PRELID2: variants seen among roughly 807,000 people sequenced by gnomAD.
The protein encoded by PRELID2 is PRELI domain containing 2, also known as PRELI domain-containing protein 2.
In PRELID2, 25 loss-of-function variants were observed where a neutral mutation model predicts 28.4. The observed-to-expected ratio is 0.88, with a 90% confidence interval of 0.64 to 1.23. The LOEUF is 1.23. PRELID2 is among the 50% of genes most tolerant of loss of function. The pLI is 0.00. For missense variants in PRELID2, 201 were observed against 214.4 expected (o/e 0.94, Z 0.39); for synonymous variants, 76 against 71.6 (o/e 1.06, Z -0.31).
chr5:145,229,867 T>A, the PRELID2 span: 19 of 753,506 alleles, frequency 2.5e-5, no homozygotes, highest in Non-Finnish European at 4.4e-5. Flanking sequence ...AAAGTGCAGG[T>A]GCCGGTCCTC....
At chr5:145,623,718 T>C (rs921401721) in intron 1 of PRELID2, among the ~76,000 whole-genome samples, 2 of 152,214 alleles carry the variant, frequency 1.3e-5, no homozygotes, top group African/African-American at 2.4e-5. Context: ...ATTCAGTAAG[T>C]AGTGTTAAAA....
chr5:145,713,350 T>TTA (rs148194664), intron 1 of PRELID2, among the ~76,000 whole-genome samples: 2,738 of 124,592 alleles, frequency 0.022, 72 homozygotes, highest in Non-Finnish European at 0.024. Flanking sequence ...ATATCTGACT[T>TTA]TATATATATA....
At chr5:145,441,659 G>T in the PRELID2 span, among the ~76,000 whole-genome samples, 1 of 152,072 alleles carries the variant, frequency 6.6e-6, no homozygotes, top group African/African-American at 2.4e-5. Context: ...TTCCTAGGAA[G>T]TCCAGAGAAC....
At chr5:145,269,951 G>T in the PRELID2 span, among the ~76,000 whole-genome samples, 1 of 149,952 alleles carries the variant, frequency 6.7e-6, no homozygotes, top group Non-Finnish European at 1.5e-5. Context: ...CACTTGAACA[G>T]ATACTAAAAG....
At chr5:145,741,366 A>T (rs1315644769) in intron 1 of PRELID2, among the ~76,000 whole-genome samples, 6 of 116,546 alleles carry the variant, frequency 5.1e-5, no homozygotes, top group African/African-American at 2.1e-4. Flanking sequence ...TAATTTATTT[A>T]TATATAAATT....
At chr5:145,356,037 T>C in the PRELID2 span, among the ~76,000 whole-genome samples, 2 of 152,178 alleles carry the variant, frequency 1.3e-5, no homozygotes, top group African/African-American at 4.8e-5. Context: ...ATTCTTCCAA[T>C]GTCTTACTAA....
chr5:145,655,211 C>T (rs1450221398), intron 1 of PRELID2, among the ~76,000 whole-genome samples: 2 of 151,834 alleles, frequency 1.3e-5, no homozygotes, highest in Non-Finnish European at 2.9e-5. Context: ...AGGACCTCTT[C>T]AAGGAGAACT....
rs77039909 is a variant in PRELID2 at position 145,769,538 on chromosome 5, G to C, written c.475-4538C>G. On this transcript the variant is annotated intron_variant, in intron 5 of 6. Transcript: ENST00000683046. ...AACTAATCCTTCCTTGAGAAGCTCTGATTTATGTAGGAGGCTTGGAAGAGA... is the reference window on the plus strand; with the variant it reads ...AACTAATCCTTCCTTGAGAAGCTCTCATTTATGTAGGAGGCTTGGAAGAGA... Among the ~76,000 whole-genome samples the C allele has an allele frequency of 5.2e-3, 791 of 152,290 alleles. 24 individuals carry two copies. The highest frequency in any genetic ancestry group is 0.038 in the Admixed American group (585 of 15,294).
chr5:145,528,796 T>C lies in PRELID2; in HGVS notation n.71-55481A>G, dbSNP rs143313571. Among the ~76,000 whole-genome samples the C allele has an allele frequency of 9.6e-3, 1,309 of 136,526 alleles. 11 individuals carry two copies. The highest frequency in any genetic ancestry group is 0.044 in the South Asian group (196 of 4,412). 89.6% of individuals were successfully genotyped at this position (136,526 alleles called of 152,430 possible). On this transcript the variant is annotated intron_variant and non_coding_transcript_variant, in intron 1 of 2. Transcript: ENST00000510259. Reference sequence around the variant, plus strand: ...ACACAAGAGAGACCAAAAGGGAAAATTAAATTTCCCCAGGTCTTTTCAAAA... The same window carrying C: ...ACACAAGAGAGACCAAAAGGGAAAACTAAATTTCCCCAGGTCTTTTCAAAA...
intron 4 of PRELID2, among the ~76,000 whole-genome samples, chr5:145,806,214 C>T (rs184302501): frequency 6.6e-6 from 1 of 152,186 alleles, no homozygotes; most frequent in Admixed American, 6.5e-5. Context: ...CACTCTTTTG[C>T]AATCACACTT....
intron 1 of PRELID2, among the ~76,000 whole-genome samples, chr5:145,703,492 C>A (rs1348094331): frequency 2.0e-5 from 3 of 152,184 alleles, no homozygotes; most frequent in Non-Finnish European, 4.4e-5. Flanking sequence ...CACATGCTAA[C>A]CCTAAATGCT....
chr5:145,361,786 G>A, the PRELID2 span, among the ~76,000 whole-genome samples: 120 of 152,186 alleles, frequency 7.9e-4, 1 homozygote, highest in Non-Finnish European at 1.5e-3. Context: ...GCTTACACTG[G>A]CTGGCCTTCT....
At chr5:145,246,083 C>CGT in the PRELID2 span, among the ~76,000 whole-genome samples, 2 of 151,936 alleles carry the variant, frequency 1.3e-5, no homozygotes, top group Non-Finnish European at 2.9e-5. Flanking sequence ...ACTTAGAATA[C>CGT]ACAAAATCGA....
chr5:145,808,877 G>A lies in PRELID2; in HGVS notation c.368+9017C>T, dbSNP rs1389627896. Among the ~76,000 whole-genome samples the A allele has an allele frequency of 2.8e-5, 4 of 140,922 alleles. No individual in the cohort carries two copies. In the East Asian group the frequency reaches 6.0e-4, roughly 21 times the overall value. The allele number at this position is 140,922 out of a possible 152,430, so 92.5% of individuals were successfully genotyped here. On this transcript the variant is annotated intron_variant, in intron 4 of 6. Coordinates refer to ENST00000683046, the MANE Select transcript of PRELID2 (RefSeq NM_205846.3). ...CCAGCCTGGGCAACAGAGGGACCCT[G>A]TCTTACAAAAAAAAGGAAAAGAAAA...
intron 1 of PRELID2, among the ~76,000 whole-genome samples, chr5:145,739,867 G>A (rs1482808096): frequency 1.4e-4 from 21 of 150,520 alleles, no homozygotes; most frequent in African/African-American, 3.9e-4. Context: ...AAACCATTAT[G>A]TAAATTAATC....
chr5:145,598,355 G>A (rs964871789), intron 1 of PRELID2, among the ~76,000 whole-genome samples: 4 of 152,080 alleles, frequency 2.6e-5, no homozygotes, highest in South Asian at 2.1e-4. Flanking sequence ...GCTGCTGAAC[G>A]CTTTGAGCAG....
intron 1 of PRELID2, among the ~76,000 whole-genome samples, chr5:145,700,833 G>A (rs1755388877): frequency 1.3e-5 from 2 of 152,180 alleles, no homozygotes; most frequent in African/African-American, 4.8e-5. Context: ...AGCAGTATGG[G>A]GAATACCTTT....
Position 145,641,270 on chromosome 5 carries a change from A to G in PRELID2, n.70+123661T>C, listed in dbSNP as rs539627507. ...TATACCTAACTGGCAAAGGATTAGT[A>G]TCCAAAACTACTATAAATCAATCAG... On this transcript the variant is annotated intron_variant and non_coding_transcript_variant, in intron 1 of 2. Transcript: ENST00000510259. Among the ~76,000 whole-genome samples the G allele has an allele frequency of 7.4e-4, 112 of 152,314 alleles. 2 individuals carry two copies. The highest frequency in any genetic ancestry group is 2.7e-3 in the African/African-American group (111 of 41,570).
chr5:145,598,537 T>A (rs954744735), intron 1 of PRELID2, among the ~76,000 whole-genome samples: 1 of 152,168 alleles, frequency 6.6e-6, no homozygotes, highest in African/African-American at 2.4e-5. Flanking sequence ...AAAAGACTAT[T>A]ATGAAGTGAA....
Sources: gnomAD v4.1 joint callset for allele counts (sites outside exome capture counted in the v4.1 genomes callset) on GRCh38, gnomAD v4.1.1 for gene constraint, MANE v1.5 for transcripts, NCBI Gene and HGNC (gene_info 2026-07-23, HGNC 2026-07-21) for gene names.